Variants in PSD3 observed in about 807,000 individuals in gnomAD.
The protein encoded by PSD3 is PH and SEC7 domain-containing protein 3.
In PSD3, 49 loss-of-function variants were observed where a neutral mutation model predicts 105.5. That is an observed-to-expected ratio of 0.46 (90% CI 0.37 to 0.59). The LOEUF is 0.59. Among genes scored for constraint, PSD3 ranks in the 20% least tolerant of loss-of-function variants. The pLI, the probability that PSD3 is intolerant of heterozygous loss-of-function variation, is 0.00. For missense variants in PSD3, 1,561 were observed against 1,263.8 expected, an observed-to-expected ratio of 1.24 and a Z score of -3.57; for synonymous variants, 557 against 457.8, an observed-to-expected ratio of 1.22 and a Z score of -2.77.
At position 18,594,195 on chromosome 8, in the gene PSD3, C is replaced by CATTATATAATATATATTATTATAT; in HGVS notation, c.2481+6168_2481+6169insATATAATAATATATATTATATAAT. On this transcript the variant is annotated intron_variant, in intron 12 of 15. Transcript: ENST00000327040. ...ATTATATAATATATATTATTATATACATATTATATAATATATATTATTATA... is the reference window on the plus strand; with the variant it reads ...ATTATATAATATATATTATTATATACATTATATAATATATATTATTATATATATTATATAATATATATTATTATA... Among the ~76,000 whole-genome samples, 2 of 11,760 alleles carry CATTATATAATATATATTATTATAT rather than the reference C, an allele frequency of 1.7e-4. 1 individual carries two copies. Among genetic ancestry groups the CATTATATAATATATATTATTATAT allele is most frequent in the Admixed American group, 2.6e-3 (2 of 756 alleles). 7.7% of individuals were successfully genotyped at this position (11,760 alleles called of 152,430 possible).
At chr8:18,918,205 TGACCAAGCCATGG>T (rs1820748853) in intron 2 of PSD3, among the ~76,000 whole-genome samples, 2 of 152,242 alleles carry the variant, frequency 1.3e-5, no homozygotes. Context: ...CCAGCTGCTC[TGACCAAGCCATGG>T]TCTGCACAAC....
intron 9 of PSD3, among the ~76,000 whole-genome samples, chr8:18,710,625 G>A (rs567529556): frequency 2.6e-5 from 4 of 152,202 alleles, no homozygotes; most frequent in African/African-American, 9.6e-5. Flanking sequence ...AAGCCCATGA[G>A]ACTAACAGTG....
intron 1 of PSD3, among the ~76,000 whole-genome samples, chr8:18,954,881 C>G (rs181845425): frequency 6.6e-6 from 1 of 152,112 alleles, no homozygotes; most frequent in Non-Finnish European, 1.5e-5. Context: ...AATCTTTCCA[C>G]CCTCATCCCA....
intron 12 of PSD3, among the ~76,000 whole-genome samples, chr8:18,582,975 G>A (rs944680362): frequency 3.3e-5 from 5 of 151,808 alleles, no homozygotes; most frequent in East Asian, 3.9e-4. Flanking sequence ...TTACAGGCAC[G>A]TGCCACCACG....
In PSD3 at chr8:18,872,461, T is replaced by C. The variant is rs1381994097; in HGVS notation, c.403A>G (p.Ile135Val). 2 of 1,614,050 alleles carry C rather than the reference T, an allele frequency of 1.2e-6. No homozygotes were observed. The highest frequency in any genetic ancestry group is 1.7e-6 in the Non-Finnish European group (2 of 1,180,040). ...EQSLQPIDSL[I>V]SALKATEARI... Reference sequence around the variant, plus strand: ...GCTTCTGTGGCTTTCAGAGCTGAAATCAAAGAGTCAATGGGCTGTAAACTT... The same window carrying C: ...GCTTCTGTGGCTTTCAGAGCTGAAACCAAAGAGTCAATGGGCTGTAAACTT... The change falls in exon 3 of 16, where the codon ATT becomes GTT. Residue 135 changes from isoleucine to valine, a missense_variant. Physicochemically the swap from Ile to Val is conservative, Grantham distance 29. Transcript: ENST00000327040.
chr8:19,043,306 C>G (rs548006149), intron 1 of PSD3, among the ~76,000 whole-genome samples: 1 of 152,136 alleles, frequency 6.6e-6, no homozygotes, highest in African/African-American at 2.4e-5. Context: ...GGTCAAAAAC[C>G]TTTCCATACA....
chr8:18,719,929 A>T (rs1248708290), intron 9 of PSD3, among the ~76,000 whole-genome samples: 4 of 152,160 alleles, frequency 2.6e-5, no homozygotes, highest in Non-Finnish European at 5.9e-5. Context: ...AAAGAATACC[A>T]ACCAGGCCTC....
At chr8:18,733,930 G>C (rs1803957613) in intron 9 of PSD3, 1 of 152,214 alleles carries the variant, frequency 6.6e-6, no homozygotes, top group Non-Finnish European at 1.5e-5. Context: ...CCACACAGAA[G>C]GCCAAAACCA....
At chr8:18,573,942 C>T (rs902890023) in intron 13 of PSD3, among the ~76,000 whole-genome samples, 3 of 152,126 alleles carry the variant, frequency 2.0e-5, no homozygotes, top group Admixed American at 1.3e-4. Flanking sequence ...TTTTATGGTA[C>T]GTAAAGCATA....
chr8:18,978,536 TC>T (rs1434629186), intron 1 of PSD3, among the ~76,000 whole-genome samples: 9 of 152,242 alleles, frequency 5.9e-5, no homozygotes, highest in African/African-American at 1.9e-4. Context: ...TTAACATCTC[TC>T]CATAACCTGA....
intron 9 of PSD3, among the ~76,000 whole-genome samples, chr8:18,690,494 A>G (rs1800913435): frequency 6.6e-6 from 1 of 152,064 alleles, no homozygotes; most frequent in African/African-American, 2.4e-5. Flanking sequence ...CTAGGGATCT[A>G]TTTTGAACCC....
At chr8:18,838,710 G>A (rs941679046) in intron 4 of PSD3, among the ~76,000 whole-genome samples, 1 of 151,566 alleles carries the variant, frequency 6.6e-6, no homozygotes, top group Non-Finnish European at 1.5e-5. Context: ...GCTGAGGCAG[G>A]AGAATGGCGT....
intron 9 of PSD3, among the ~76,000 whole-genome samples, chr8:18,697,361 C>A (rs1042423962): frequency 1.3e-5 from 2 of 152,154 alleles, no homozygotes; most frequent in East Asian, 3.9e-4. Context: ...GACTGGCCAA[C>A]AAAAGTACCT....
chr8:18,775,605 G>A (rs1463277073), intron 8 of PSD3, among the ~76,000 whole-genome samples: 1 of 152,132 alleles, frequency 6.6e-6, no homozygotes, highest in Non-Finnish European at 1.5e-5. Context: ...ATCTATTCAT[G>A]TATCTGTTGG....
intron 4 of PSD3, among the ~76,000 whole-genome samples, chr8:18,857,567 G>A (rs999359632): frequency 6.6e-6 from 1 of 152,210 alleles, no homozygotes; most frequent in Non-Finnish European, 1.5e-5. Context: ...AGAGCTCCCT[G>A]TATGATTCTA....
chr8:19,006,885 G>C (rs1354881980), intron 1 of PSD3, among the ~76,000 whole-genome samples: 1 of 152,102 alleles, frequency 6.6e-6, no homozygotes, highest in East Asian at 1.9e-4. Context: ...CTGCCCACCT[G>C]ATTATTCACT....
chr8:18,787,453 C>G (rs1210267298), intron 8 of PSD3, among the ~76,000 whole-genome samples: 1 of 151,882 alleles, frequency 6.6e-6, no homozygotes, highest in Non-Finnish European at 1.5e-5. Context: ...GCATTTTAAT[C>G]AAACTTAAAA....
chr8:18,946,430 A>C (rs1382307083), intron 1 of PSD3, among the ~76,000 whole-genome samples: 1 of 152,106 alleles, frequency 6.6e-6, no homozygotes, highest in Non-Finnish European at 1.5e-5. Flanking sequence ...AAAATAAAAA[A>C]ATCAGCCAGG....
rs188182900 is a variant in PSD3, at chr8:18,669,534, C to T, written c.2173-13849G>A. On this transcript the variant is annotated intron_variant, in intron 9 of 15. Transcript: ENST00000327040. ...ATGCTGTGACAGCCAATTTGATAAC[C>T]AACTTAGCTAGTAAGTGACTGAGGG... Among the ~76,000 whole-genome samples the T allele has an allele frequency of 1.3e-4, 20 of 152,308 alleles. No individual in the cohort carries two copies. In the East Asian group the frequency reaches 2.7e-3, roughly 21 times the overall value.
Sources: allele counts gnomAD v4.1 joint callset (sites outside exome capture counted in the v4.1 genomes callset), GRCh38; gene constraint gnomAD v4.1.1; transcripts MANE v1.5; gene names NCBI Gene and HGNC (gene_info 2026-07-23, HGNC 2026-07-21).